The following TRAF3IP1 variants were observed in gnomAD, a reference collection of about 807,000 sequenced individuals.
The protein encoded by TRAF3IP1 is intraflagellar transport 54.
Under a neutral mutation model 89.9 loss-of-function variants are expected in TRAF3IP1, and 53 were observed. The ratio of observed to expected loss-of-function variants is 0.59; its 90% confidence interval spans 0.47 to 0.74. The LOEUF (loss-of-function observed/expected upper bound fraction) is 0.74. Among genes scored for constraint, TRAF3IP1 ranks in the 30% least tolerant of loss-of-function variants. The pLI, the probability that TRAF3IP1 is intolerant of heterozygous loss-of-function variation, is 0.00. For synonymous variants in TRAF3IP1, 311 were observed against 322.1 expected, an observed-to-expected ratio of 0.97 and a Z score of 0.37; for missense variants, 806 against 866.1, an observed-to-expected ratio of 0.93 and a Z score of 0.87.
intron 15 of TRAF3IP1, among the ~76,000 whole-genome samples, chr2:238,361,186 A>G (rs912987852): frequency 2.0e-5 from 3 of 151,584 alleles, no homozygotes; most frequent in African/African-American, 7.3e-5. Flanking sequence ...AGCTGGGACT[A>G]CAGGCACACG....
chr2:238,328,930 G>C lies in TRAF3IP1; in HGVS notation c.503G>C (p.Arg168Thr). Residue 168 changes from arginine to threonine, a missense_variant, in exon 5 of 17, where the codon AGA (arginine) becomes ACA (threonine). By Grantham distance (71) the Arg-to-Thr change is moderately conservative (BLOSUM62 -1). Around this residue, in one of 3 missense-constraint regions of TRAF3IP1, gnomAD observed 732 missense variants for 780.5 expected, o/e 0.94. Coordinates refer to ENST00000373327, the MANE Select transcript of TRAF3IP1 (RefSeq NM_015650.4). ...GATTTTATTTTTATTTCGTAGGATA[G>C]AGGAGACGCTGAAATAAAAGAGAGA... ...ESRVHKNTEDRGDAEIKERST... is the reference protein window; with the variant it reads ...ESRVHKNTEDTGDAEIKERST... 1.3e-6 allele frequency: 2 copies of C among 1,564,470 alleles called. No homozygotes were observed. Among genetic ancestry groups the C allele is most frequent in the Non-Finnish European group, 1.7e-6 (2 of 1,156,870 alleles).
chr2:238,387,819 G>C (rs1700835971), intron 15 of TRAF3IP1, among the ~76,000 whole-genome samples: 1 of 152,228 alleles, frequency 6.6e-6, no homozygotes, highest in African/African-American at 2.4e-5. Context: ...GATGGCTCAT[G>C]CCTGTAATCC....
chr2:238,350,924 G>A (rs942974465), intron 12 of TRAF3IP1, among the ~76,000 whole-genome samples: 6 of 152,048 alleles, frequency 3.9e-5, no homozygotes. Context: ...GAAGCGCCAC[G>A]GTCATGACCA....
Position 238,344,618 on chromosome 2 carries a change from G to A in TRAF3IP1, c.1261+20G>A, listed in dbSNP as rs182265734. 3.2e-5 allele frequency: 52 copies of A among 1,607,160 alleles called. No homozygotes were observed. The Admixed American group carries it at 6.7e-4, about 21-fold the overall frequency. On this transcript the variant is annotated intron_variant, in intron 9 of 16. Coordinates refer to ENST00000373327, the MANE Select transcript of TRAF3IP1 (RefSeq NM_015650.4). ...AGAAAGGTAAGAATGGTCCAGTTTCGCCCTTTCCTGGCGAGAGCAGAGTGA... is the reference window on the plus strand; with the variant it reads ...AGAAAGGTAAGAATGGTCCAGTTTCACCCTTTCCTGGCGAGAGCAGAGTGA...
At chr2:238,327,742 T>C (rs147423831) in intron 3 of TRAF3IP1, among the ~76,000 whole-genome samples, 3 of 152,084 alleles carry the variant, frequency 2.0e-5, no homozygotes, top group Non-Finnish European at 4.4e-5. Context: ...AACTTCCTCT[T>C]CTCCCGTACC....
At chr2:238,331,676 T>G (rs1698132515) in intron 5 of TRAF3IP1, among the ~76,000 whole-genome samples, 1 of 152,180 alleles carries the variant, frequency 6.6e-6, no homozygotes, top group Admixed American at 6.5e-5. Context: ...GGCTCTTCTG[T>G]GGACGATCTG....
intron 15 of TRAF3IP1, among the ~76,000 whole-genome samples, chr2:238,384,701 A>G (rs1559392764): frequency 6.6e-6 from 1 of 151,672 alleles, no homozygotes; most frequent in Non-Finnish European, 1.5e-5. Flanking sequence ...TTTAAAAAGG[A>G]TTACAGAATC....
chr2:238,384,241 C>A (rs982336220), intron 15 of TRAF3IP1, among the ~76,000 whole-genome samples: 1 of 152,146 alleles, frequency 6.6e-6, no homozygotes, highest in African/African-American at 2.4e-5. Flanking sequence ...GCTGCCTCCG[C>A]CCACGGCTGA....
chr2:238,344,800 G>A (rs938097013), intron 9 of TRAF3IP1: 17 of 676,774 alleles, frequency 2.5e-5, no homozygotes, highest in South Asian at 4.5e-5. Context: ...GGACCCACTC[G>A]TGTGCTCCCC....
In TRAF3IP1 at chr2:238,397,487, A is replaced by G. The variant is rs1337585460; in HGVS notation, c.1718A>G (p.Lys573Arg). 6.2e-7 allele frequency: 1 copy of G among 1,612,880 alleles called. No individual in the cohort carries two copies. Among genetic ancestry groups the G allele is most frequent in the Non-Finnish European group, 8.5e-7 (1 of 1,179,818 alleles). ...CGATCTCTCTTTGAGTCGGCATGGA[A>G]GAAGGAGAAGGACATCGTTTCCAAG... ...KERSLFESAW[K>R]KEKDIVSKEI... is the part of the protein sequence containing the mutation. The change falls in exon 16 of 17, where the codon AAG (lysine) becomes AGG (arginine). Residue 573 changes from lysine to arginine, a missense_variant. Transcript: ENST00000373327.
intron 8 of TRAF3IP1, among the ~76,000 whole-genome samples, chr2:238,339,670 A>G (rs1198967675): frequency 6.6e-6 from 1 of 152,238 alleles, no homozygotes; most frequent in Non-Finnish European, 1.5e-5. Context: ...TTTCCTCGTC[A>G]TAAATGGGCG....
At chr2:238,365,144 C>G (rs1268431732) in intron 15 of TRAF3IP1, among the ~76,000 whole-genome samples, 1 of 152,138 alleles carries the variant, frequency 6.6e-6, no homozygotes, top group Non-Finnish European at 1.5e-5. Flanking sequence ...AATTATTTCA[C>G]TTTGGTGATA....
At chr2:238,350,787 G>C (rs1699114599) in intron 12 of TRAF3IP1, among the ~76,000 whole-genome samples, 1 of 152,146 alleles carries the variant, frequency 6.6e-6, no homozygotes, top group Non-Finnish European at 1.5e-5. Context: ...AGATGGTGTG[G>C]CGGGGCCTGT....
rs929747928 is a variant in TRAF3IP1 at position 238,379,857 on chromosome 2, A to G, written c.1690-17602A>G. 2.0e-5 allele frequency among the ~76,000 whole-genome samples: 3 copies of G among 152,252 alleles called. No homozygotes were observed. The highest frequency in any genetic ancestry group is 7.2e-5 in the African/African-American group (3 of 41,472). On this transcript the variant is annotated intron_variant, in intron 15 of 16. Transcript: ENST00000373327. This position sits in a 1 kb window ranked among gnomAD's most constrained non-coding sequence, Gnocchi z 4.0. Reference sequence around the variant, plus strand: ...AGAAAATGATTAATATTTTAGTAAGACATTTAAAATAGCAAATCCAATTAG... The same window carrying G: ...AGAAAATGATTAATATTTTAGTAAGGCATTTAAAATAGCAAATCCAATTAG...
intron 15 of TRAF3IP1, among the ~76,000 whole-genome samples, chr2:238,391,145 C>G (rs746299004): frequency 5.9e-5 from 9 of 151,970 alleles, no homozygotes; most frequent in Non-Finnish European, 1.0e-4. Context: ...TTTGTAGAGG[C>G]AGGGTTTCAC....
At chr2:238,353,247 G>T in intron 14 of TRAF3IP1, 38 bp downstream of exon 14, 1 of 1,611,506 alleles carries the variant, frequency 6.2e-7, no homozygotes, top group Non-Finnish European at 8.5e-7. Context: ...ATGTCCATGT[G>T]TGTGTGCTCA....
intron 15 of TRAF3IP1, among the ~76,000 whole-genome samples, chr2:238,387,585 G>A (rs904191306): frequency 6.6e-5 from 10 of 152,180 alleles, no homozygotes; most frequent in African/African-American, 2.2e-4. Flanking sequence ...TTGCATACCC[G>A]ACAGTCACGT....
intron 15 of TRAF3IP1, among the ~76,000 whole-genome samples, chr2:238,382,159 G>T (rs767100362): frequency 6.6e-5 from 10 of 152,174 alleles, no homozygotes; most frequent in Admixed American, 1.3e-4. Context: ...GGGACAGAGA[G>T]CCCGGGTGTG....
At chr2:238,343,646 CTTT>C (rs34626636) in intron 8 of TRAF3IP1, among the ~76,000 whole-genome samples, 15 of 113,418 alleles carry the variant, frequency 1.3e-4, no homozygotes, top group Non-Finnish European at 1.5e-4. Flanking sequence ...TGTGCTTGGC[CTTT>C]TTTTTTTTTT....
Sources: allele counts gnomAD v4.1 joint callset (sites outside exome capture counted in the v4.1 genomes callset), GRCh38; gene constraint gnomAD v4.1.1; regional missense constraint gnomAD v4.1.1; non-coding constraint Gnocchi (gnomAD v3.1); transcripts MANE v1.5; gene names NCBI Gene and HGNC (gene_info 2026-07-23, HGNC 2026-07-21).